Variants in GRM1 observed in about 807,000 individuals in gnomAD.
GRM1 encodes metabotropic glutamate receptor 1.
A neutral mutation model predicts 90.9 loss-of-function variants in GRM1; 33 were observed. The observed-to-expected ratio is 0.36, with a 90% CI of 0.28 to 0.49. GRM1 has a LOEUF of 0.49. Among genes scored for constraint, GRM1 ranks in the 20% least tolerant of loss-of-function variants. GRM1 has a pLI of 0.99. For missense variants in GRM1, 1,190 were observed against 1,534.3 expected (o/e 0.78, Z 3.75); for synonymous variants, 700 against 613.2 (o/e 1.14, Z -2.09).
chr6:146,079,422 A>G (rs1473463893), intron 1 of GRM1, among the ~76,000 whole-genome samples: 1 of 152,176 alleles, frequency 6.6e-6, no homozygotes, highest in Non-Finnish European at 1.5e-5. Flanking sequence ...TCTGCCAAAG[A>G]AGGGACCCCA....
At chr6:146,169,381 AG>A (rs1428559624) in intron 2 of GRM1, among the ~76,000 whole-genome samples, 1 of 152,130 alleles carries the variant, frequency 6.6e-6, no homozygotes, top group East Asian at 1.9e-4. Flanking sequence ...CTTGCCAGGC[AG>A]GCTTTCCACT....
chr6:146,059,019 A>G lies in GRM1; in HGVS notation c.700+28802A>G, dbSNP rs911558759. Among the ~76,000 whole-genome samples, 6 of 152,104 alleles carry G rather than the reference A, an allele frequency of 3.9e-5. No individual in the cohort carries two copies. The East Asian group carries it at 5.8e-4, about 15-fold the overall frequency. The stretch of plus-strand genomic sequence containing the variant: ...AAGACCTTCATGAAGGGTGGAATCA[A>G]CTTCTTACAAACTCTTAATAATGTT... On this transcript the variant is annotated intron_variant, in intron 1 of 7. Coordinates refer to ENST00000282753, the MANE Select transcript of GRM1 (RefSeq NM_001278064.2).
chr6:146,291,744 C>A (rs776800611), intron 2 of GRM1, among the ~76,000 whole-genome samples: 7 of 151,894 alleles, frequency 4.6e-5, no homozygotes, highest in Non-Finnish European at 1.0e-4. Context: ...ACTATCTAAA[C>A]AAATCTGTAA....
intron 2 of GRM1, among the ~76,000 whole-genome samples, chr6:146,165,177 T>C (rs1777865150): frequency 6.6e-6 from 1 of 152,066 alleles, no homozygotes; most frequent in African/African-American, 2.4e-5. Flanking sequence ...ATGGTTGAAA[T>C]GGAGCAATTG....
At chr6:146,337,228 G>T (rs1260285701) in intron 3 of GRM1, among the ~76,000 whole-genome samples, 2 of 152,324 alleles carry the variant, frequency 1.3e-5, no homozygotes, top group East Asian at 3.9e-4. Context: ...CCACTGCCCA[G>T]ACCCAGCCTC....
intron 1 of GRM1, among the ~76,000 whole-genome samples, chr6:146,062,045 C>T (rs1414093174): frequency 3.9e-5 from 6 of 152,074 alleles, no homozygotes; most frequent in South Asian, 4.1e-4. Flanking sequence ...CACACACGCA[C>T]GTATGTTTAT....
chr6:146,234,716 G>GA (rs1009928268), intron 2 of GRM1, among the ~76,000 whole-genome samples: 4 of 151,866 alleles, frequency 2.6e-5, no homozygotes, highest in Non-Finnish European at 5.9e-5. Context: ...ACTAAAATAA[G>GA]AAAAAAATGA....
rs796200641 is a variant in GRM1 at position 146,422,986 on chromosome 6, A to AAAGG, written c.2661-10876_2661-10873dup. On this transcript the variant is annotated intron_variant, in intron 7 of 7. Coordinates refer to ENST00000282753, the MANE Select transcript of GRM1 (RefSeq NM_001278064.2). ...AGGGAGAGGAGGGAGGGAGGGAAAG[A>AAAGG]AAGGAAGGAAGGAGGGAAAGAAGAA... 5.9e-5 allele frequency among the ~76,000 whole-genome samples: 9 copies of AAAGG among 151,446 alleles called. 1 individual carries two copies. The South Asian group carries it at 1.9e-3, about 32-fold the overall frequency.
intron 1 of GRM1, among the ~76,000 whole-genome samples, chr6:146,117,032 A>T (rs1165474471): frequency 6.6e-6 from 1 of 151,570 alleles, no homozygotes; most frequent in African/African-American, 2.4e-5. Flanking sequence ...TTAATTTTTT[A>T]AAGTCTTCTA....
At chr6:146,176,692 A>G (rs920024371) in intron 2 of GRM1, among the ~76,000 whole-genome samples, 4 of 152,102 alleles carry the variant, frequency 2.6e-5, no homozygotes, top group African/African-American at 9.6e-5. Context: ...GCAACAATGA[A>G]GTTGTACTAT....
rs73785345 is a variant in GRM1 at position 146,336,573 on chromosome 6, G to A, written c.1187-15677G>A. Among the ~76,000 whole-genome samples the A allele has an allele frequency of 6.6e-3, 1,008 of 152,284 alleles. 8 individuals are homozygous for A. The highest frequency in any genetic ancestry group is 0.023 in the African/African-American group (936 of 41,556). On this transcript the variant is annotated intron_variant, in intron 3 of 7. Transcript: ENST00000282753. ...TCACAGAAGATGGCAGCTGTGGGTT[G>A]ATTTTAGCAACACTCCATCAGCTGT...
chr6:146,363,912 AG>A (rs1425369505), intron 5 of GRM1, among the ~76,000 whole-genome samples: 1 of 152,230 alleles, frequency 6.6e-6, no homozygotes, highest in East Asian at 1.9e-4. Flanking sequence ...ACCACTCAAA[AG>A]ATATTGCCCC....
chr6:146,057,377 A>G (rs1775515678), intron 1 of GRM1, among the ~76,000 whole-genome samples: 1 of 152,148 alleles, frequency 6.6e-6, no homozygotes, highest in Non-Finnish European at 1.5e-5. Flanking sequence ...GGCATCACAC[A>G]TAAGCACCTC....
intron 3 of GRM1, among the ~76,000 whole-genome samples, chr6:146,324,721 A>G (rs1360241461): frequency 6.6e-6 from 1 of 151,938 alleles, no homozygotes; most frequent in Non-Finnish European, 1.5e-5. Context: ...GCAATGCCCC[A>G]CCCTGCTTCA....
At chr6:146,341,538 G>A (rs1583352180) in intron 3 of GRM1, among the ~76,000 whole-genome samples, 1 of 152,286 alleles carries the variant, frequency 6.6e-6, no homozygotes, top group East Asian at 1.9e-4. Flanking sequence ...GAAACCATCA[G>A]GGAGAATCTT....
In GRM1 at chr6:146,434,139, G is replaced by A. The variant is rs1778510598; in HGVS notation, c.2928G>A (p.Met976Ile). 1 of 1,614,062 alleles carries A rather than the reference G, an allele frequency of 6.2e-7. No homozygotes were observed. Among genetic ancestry groups the A allele is most frequent in the African/African-American group, 1.3e-5 (1 of 74,946 alleles). ...TTAGCCCGCCTGGTAGCCCTTCCAT[G>A]GTGGTGCACAGGCGCGTGCCAAGCG... ...IRFSPPGSPSMVVHRRVPSAA... is the reference protein window; with the variant it reads ...IRFSPPGSPSIVVHRRVPSAA... The change falls in exon 8 of 8, where the codon ATG becomes ATA. Residue 976 changes from methionine (M) to isoleucine (I), a missense_variant. Around this residue, in one of 10 missense-constraint regions of GRM1, gnomAD observed 400 missense variants for 360.8 expected, o/e 1.11. Transcript: ENST00000282753.
intron 1 of GRM1, among the ~76,000 whole-genome samples, chr6:146,090,652 A>T (rs566542370): frequency 5.1e-4 from 77 of 152,222 alleles, no homozygotes; most frequent in African/African-American, 1.8e-3. Context: ...AGCCACAGAA[A>T]ACCACACAGA....
chr6:146,372,725 C>T (rs1224930005), intron 5 of GRM1, among the ~76,000 whole-genome samples: 1 of 151,940 alleles, frequency 6.6e-6, no homozygotes, highest in African/African-American at 2.4e-5. Flanking sequence ...ATGTCTTTTT[C>T]CTAGTGTGTG....
chr6:146,191,683 G>A (rs1312941524), intron 2 of GRM1, among the ~76,000 whole-genome samples: 2 of 151,800 alleles, frequency 1.3e-5, no homozygotes, highest in African/African-American at 4.8e-5. Context: ...TTTTTGTTTT[G>A]TGTGATCTCT....
Sources: allele counts gnomAD v4.1 joint callset (sites outside exome capture counted in the v4.1 genomes callset), GRCh38; gene constraint gnomAD v4.1.1; regional missense constraint gnomAD v4.1.1; transcripts MANE v1.5; gene names NCBI Gene and HGNC (gene_info 2026-07-23, HGNC 2026-07-21).